CABLES2: variants seen among roughly 807,000 people sequenced by gnomAD.
CABLES2 encodes the protein Cdk5 and Abl enzyme substrate 2, also known as CDK5 and ABL1 enzyme substrate 2.
CABLES2 carries 35 observed loss-of-function variants against 44.8 expected under a neutral mutation model. The observed-to-expected ratio is 0.78, with a 90% CI of 0.60 to 1.04. CABLES2 has a LOEUF of 1.04. Among genes scored for constraint, CABLES2 ranks in the 50% least tolerant of loss-of-function variants. The probability of loss-of-function intolerance (pLI) is 0.00; values close to 1 mark genes in which losing one functional copy is unlikely to be tolerated. For missense variants in CABLES2, 566 were observed against 615.7 expected, an observed-to-expected ratio of 0.92 and a Z score of 0.85; for synonymous variants, 282 against 281.1, an observed-to-expected ratio of 1.00 and a Z score of -0.03.
In CABLES2 at chr20:62,390,593, G is replaced by A. The variant is rs951834373; in HGVS notation, c.*378C>T. On this transcript the variant is annotated 3_prime_UTR_variant, in exon 10 of 10. Coordinates refer to ENST00000279101, the MANE Select transcript of CABLES2 (RefSeq NM_031215.3). ...CCCTGACGCTGTGGTGGCTGCGGTGGTTTGCAGAAGGCGAGGCCAGGGGAG... is the reference window on the plus strand; with the variant it reads ...CCCTGACGCTGTGGTGGCTGCGGTGATTTGCAGAAGGCGAGGCCAGGGGAG... The A allele has an allele frequency of 5.5e-5, 13 of 237,408 alleles. No individual in the cohort carries two copies. Among genetic ancestry groups the A allele is most frequent in the Non-Finnish European group, 1.0e-4 (12 of 119,378 alleles). 14.7% of individuals were successfully genotyped at this position (237,408 alleles called of 1,614,324 possible). A position where few individuals can be genotyped will look rare whatever the true frequency, so the allele number is the denominator to read the frequency against.
At chr20:62,393,798 C>T (rs544313086) in intron 5 of CABLES2, among the ~76,000 whole-genome samples, 193 bp from the exon 6 acceptor site, 1 of 152,358 alleles carries the variant, frequency 6.6e-6, no homozygotes, top group Non-Finnish European at 1.5e-5. Flanking sequence ...CATTCCGGAA[C>T]ACTACTGTGC....
At position 62,406,912 on chromosome 20, in the gene CABLES2, C is replaced by A; in HGVS notation, c.362+3G>T. On this transcript the variant is annotated splice_donor_region_variant and intron_variant, in intron 1 of 9. Transcript: ENST00000279101. ...GGGCTGACCTGGCCGGGCCCCCACT[C>A]ACCTCTGGCGCTGCCCATCCAGGCC... 8.2e-7 allele frequency: 1 copy of A among 1,219,908 alleles called. No homozygotes were observed. The highest frequency in any genetic ancestry group is 1.0e-6 in the Non-Finnish European group (1 of 979,064). 75.6% of individuals were successfully genotyped at this position (1,219,908 alleles called of 1,614,324 possible).
intron 1 of CABLES2, chr20:62,404,618 A>G (rs1884828): frequency 0.63 from 95,840 of 152,234 alleles, 32,233 homozygotes; most frequent in African/African-American, 0.86. Flanking sequence ...TCTACCTATC[A>G]GGGAGGGGCC....
At chr20:62,398,121 G>GGCGGTGGTGGTGA (rs1481477351) in intron 1 of CABLES2, among the ~76,000 whole-genome samples, 3 of 82,418 alleles carry the variant, frequency 3.6e-5, no homozygotes, top group African/African-American at 1.9e-4. Flanking sequence ...GGTGGTGGTG[G>GGCGGTGGTGGTGA]TGGTTATGAC....
chr20:62,394,177 C>T lies in CABLES2; in HGVS notation c.694G>A (p.Glu232Lys), dbSNP rs766979508. ...SEMVFELEGV[E>K]LGADGKVVSY... is the part of the protein sequence containing the mutation. ...CTTACCTTCCCGTCTGCTCCTAGCTCCACACCTTCTAGCTCAAAGACCATC... is the reference window on the plus strand; with the variant it reads ...CTTACCTTCCCGTCTGCTCCTAGCTTCACACCTTCTAGCTCAAAGACCATC... Residue 232 changes from glutamate (E) to lysine (K), a missense_variant, in exon 5 of 10, where the codon GAG becomes AAG. This residue lies in a region of CABLES2 where 436 missense variants were observed against 536.3 expected (regional missense o/e 0.81). Transcript: ENST00000279101. The T allele has an allele frequency of 6.2e-7, 1 of 1,613,470 alleles. No individual in the cohort carries two copies. The highest frequency in any genetic ancestry group is 1.1e-5 in the South Asian group (1 of 91,084).
chr20:62,407,102 C>A lies in CABLES2; in HGVS notation c.175G>T (p.Gly59Trp), dbSNP rs1988310751. Residue 59 changes from glycine to tryptophan, a missense_variant, in exon 1 of 10, where the codon GGG becomes TGG. Transcript: ENST00000279101. ...LFFLNNISLDGRPPSLGPGGE... is the reference protein window; with the variant it reads ...LFFLNNISLDWRPPSLGPGGE... ...CCCGGGCCCAGGCTCGGGGGCCGCC[C>A]GTCCAGGGAGATGTTGTTGAGGAAG... The A allele has an allele frequency of 1.9e-5, 20 of 1,043,440 alleles. No individual in the cohort carries two copies. The highest frequency in any genetic ancestry group is 2.2e-5 in the Non-Finnish European group (19 of 866,656). The allele number at this position is 1,043,440 out of a possible 1,614,324, so 64.6% of individuals were successfully genotyped here.
At chr20:62,397,598 A>G (rs946305056) in intron 1 of CABLES2, among the ~76,000 whole-genome samples, 1 of 152,206 alleles carries the variant, frequency 6.6e-6, no homozygotes, top group Admixed American at 6.5e-5. Context: ...AGTAACTCTC[A>G]GGGTCACGCA....
chr20:62,401,257 G>T (rs865829765), intron 1 of CABLES2, among the ~76,000 whole-genome samples: 33 of 152,266 alleles, frequency 2.2e-4, no homozygotes, highest in African/African-American at 7.2e-4. Context: ...CATGGGTGCA[G>T]GGCAGGGCGG....
At chr20:62,401,326 T>G (rs1427891173) in intron 1 of CABLES2, among the ~76,000 whole-genome samples, 1 of 152,178 alleles carries the variant, frequency 6.6e-6, no homozygotes. Flanking sequence ...CGGGAGCTGG[T>G]GTCAAGGGAG....
At chr20:62,394,071 G>A in intron 5 of CABLES2, 86 bp downstream of exon 5, 4 of 1,001,310 alleles carry the variant, frequency 4.0e-6, no homozygotes, top group Non-Finnish European at 6.4e-6. Context: ...CTTCACGTGT[G>A]CCTCGTGGGC....
chr20:62,398,031 ACAG>A (rs1207895188), intron 1 of CABLES2, among the ~76,000 whole-genome samples: 4 of 75,642 alleles, frequency 5.3e-5, no homozygotes, highest in Non-Finnish European at 8.5e-5. Context: ...GGTGGTGGTG[ACAG>A]TGATGGTGAT....
chr20:62,400,530 G>C (rs1206981841), intron 1 of CABLES2, among the ~76,000 whole-genome samples: 1 of 152,346 alleles, frequency 6.6e-6, no homozygotes, highest in South Asian at 2.1e-4. Flanking sequence ...CCCCAGAGAG[G>C]TGTTTGTGTG....
At chr20:62,405,525 C>G (rs993629410) in intron 1 of CABLES2, 2 of 152,352 alleles carry the variant, frequency 1.3e-5, no homozygotes, top group South Asian at 2.1e-4. Flanking sequence ...GCCAGGAACA[C>G]TTCCAAGGAT....
At position 62,405,014 on chromosome 20, in the gene CABLES2, G is replaced by A. The variant is rs549936738; in HGVS notation, c.362+1901C>T. 5.4e-4 allele frequency: 82 copies of A among 152,470 alleles called. No individual in the cohort carries two copies. In the South Asian group the frequency reaches 0.016, roughly 30 times the overall value. 9.4% of individuals were successfully genotyped at this position (152,470 alleles called of 1,614,324 possible). A position where few individuals can be genotyped will look rare whatever the true frequency, so the allele number is the denominator to read the frequency against. On this transcript the variant is annotated intron_variant, in intron 1 of 9. Transcript: ENST00000279101. Reference sequence around the variant, plus strand: ...CTCAGTCACAGGCACTTCCCTGCGCGTCGCCACGCTCTGCCTCCCTCCACT... The same window carrying A: ...CTCAGTCACAGGCACTTCCCTGCGCATCGCCACGCTCTGCCTCCCTCCACT...
At position 62,396,069 on chromosome 20, in the gene CABLES2, C is replaced by T. The variant is rs755115027; in HGVS notation, c.527+246G>A. On this transcript the variant is annotated intron_variant, in intron 3 of 9. Coordinates refer to ENST00000279101, the MANE Select transcript of CABLES2 (RefSeq NM_031215.3). The surrounding 1 kb of genome is among the most constrained non-coding windows in gnomAD (Gnocchi z 5.7). ...CACTGTTGCTGGAGGCTAGTGTCCA[C>T]GTGTGACCCTTCACCTGGGAGCCCA... Among the ~76,000 whole-genome samples, 19 of 152,318 alleles carry T rather than the reference C, an allele frequency of 1.2e-4. No homozygotes were observed. Among genetic ancestry groups the T allele is most frequent in the South Asian group, 1.2e-3 (6 of 4,830 alleles).
At chr20:62,395,205 G>A (rs149555287) in intron 3 of CABLES2, among the ~76,000 whole-genome samples, 191 bp from the exon 4 acceptor site, 2 of 152,346 alleles carry the variant, frequency 1.3e-5, no homozygotes, top group African/African-American at 2.4e-5. Flanking sequence ...CCTGGCCCCC[G>A]CAAGCTCTCA....
intron 1 of CABLES2, chr20:62,405,772 A>C (rs777522270): frequency 2.0e-5 from 3 of 152,254 alleles, no homozygotes; most frequent in Non-Finnish European, 4.4e-5. Context: ...GCACACCTGC[A>C]GGGGCTGCCT....
chr20:62,398,270 G>GTGATGTGATGGTGGTGGTGA (rs1569018003), intron 1 of CABLES2, among the ~76,000 whole-genome samples: 4 of 116,642 alleles, frequency 3.4e-5, no homozygotes, highest in African/African-American at 1.5e-4. Flanking sequence ...GATGGTGATG[G>GTGATGTGATGGTGGTGGTGA]CGGTGGTGGT....
chr20:62,394,047 G>A, intron 5 of CABLES2, 110 bp downstream of exon 5: 1 of 860,642 alleles, frequency 1.2e-6, no homozygotes, highest in Admixed American at 1.8e-5. Context: ...CGTTTTACGT[G>A]GAGTGAAGCA....
Sources: gnomAD v4.1 joint callset for allele counts (sites outside exome capture counted in the v4.1 genomes callset) on GRCh38, gnomAD v4.1.1 for gene constraint, gnomAD v4.1.1 regional missense constraint, Gnocchi (gnomAD v3.1) non-coding constraint, MANE v1.5 for transcripts, NCBI Gene and HGNC (gene_info 2026-07-23, HGNC 2026-07-21) for gene names.